The following NCALD variants were observed in gnomAD, a reference collection of about 807,000 sequenced individuals.
NCALD encodes the protein neurocalcin delta, also known as neurocalcin-delta.
In NCALD, 10 loss-of-function variants were observed where a neutral mutation model predicts 18.6. The observed-to-expected ratio is 0.54, with a 90% CI of 0.33 to 0.91. NCALD has a LOEUF of 0.91. Among genes scored for constraint, NCALD ranks in the 40% least tolerant of loss-of-function variants. NCALD has a pLI of 0.03. For synonymous variants in NCALD, 88 were observed against 87.4 expected (o/e 1.01, Z -0.04); for missense variants, 184 against 247.6 (o/e 0.74, Z 1.72).
intron 3 of NCALD, among the ~76,000 whole-genome samples, chr8:101,913,025 C>T (rs1380066946): frequency 6.6e-6 from 1 of 152,154 alleles, no homozygotes; most frequent in African/African-American, 2.4e-5. Flanking sequence ...CTCAGTCCTA[C>T]AATCTCAGCT....
At chr8:101,830,028 T>G in intron 4 of NCALD, among the ~76,000 whole-genome samples, 1 of 151,706 alleles carries the variant, frequency 6.6e-6, no homozygotes, top group South Asian at 2.1e-4. Context: ...GCTAAATATT[T>G]ATCAATAAAT....
intron 4 of NCALD, among the ~76,000 whole-genome samples, chr8:101,845,887 A>G (rs1177864399): frequency 3.3e-5 from 5 of 152,146 alleles, no homozygotes; most frequent in Non-Finnish European, 7.4e-5. Flanking sequence ...CTCTACCTTC[A>G]TAAGATGACC....
chr8:101,718,884 G>C (rs1239831386), intron 2 of NCALD, among the ~76,000 whole-genome samples: 1 of 152,212 alleles, frequency 6.6e-6, no homozygotes, highest in Non-Finnish European at 1.5e-5. Context: ...TCTGAAGCCT[G>C]CTACTTAAGA....
chr8:101,761,019 G>T (rs1319919979), intron 1 of NCALD, among the ~76,000 whole-genome samples: 2 of 124,372 alleles, frequency 1.6e-5, no homozygotes, highest in African/African-American at 6.0e-5. Context: ...GTTCACATTC[G>T]GGTGGGGGCG....
chr8:101,982,869 T>C (rs1820674939), intron 2 of NCALD, among the ~76,000 whole-genome samples: 1 of 151,956 alleles, frequency 6.6e-6, no homozygotes, highest in African/African-American at 2.4e-5. Context: ...CCTTATACCA[T>C]TGTCATGTAA....
intron 1 of NCALD, among the ~76,000 whole-genome samples, chr8:101,732,915 CAAT>C (rs1420284763): frequency 6.6e-6 from 1 of 151,998 alleles, no homozygotes; most frequent in African/African-American, 2.4e-5. Flanking sequence ...GGAGCATTTT[CAAT>C]AATATTTTAT....
chr8:101,778,480 C>CT (rs908919935), intron 1 of NCALD, among the ~76,000 whole-genome samples: 26 of 149,652 alleles, frequency 1.7e-4, no homozygotes, highest in Admixed American at 9.3e-4. Flanking sequence ...AAGAAGGTAA[C>CT]TTTTTTTTTT....
At chr8:102,113,909 A>G (rs16869127) in intron 1 of NCALD, among the ~76,000 whole-genome samples, 2,521 of 152,362 alleles carry the variant, frequency 0.017, 91 homozygotes, top group African/African-American at 0.057. Context: ...TGAATCAGTG[A>G]AAACTTGATA....
chr8:101,801,857 G>A lies in NCALD; in HGVS notation c.-19-82209C>T, dbSNP rs568205922. 2.1e-4 allele frequency among the ~76,000 whole-genome samples: 32 copies of A among 151,510 alleles called. No homozygotes were observed. In the East Asian group the frequency reaches 5.1e-3, roughly 24 times the overall value. On this transcript the variant is annotated intron_variant, in intron 4 of 6. Coordinates refer to the NCALD transcript ENST00000311028. The stretch of plus-strand genomic sequence containing the variant: ...AATTTTTTGTATTTTTAGTAGAGAC[G>A]GGGTTTCACCCTGTTAGCCAGGATG...
intron 1 of NCALD, among the ~76,000 whole-genome samples, chr8:102,123,301 T>A (rs1825995743): frequency 6.6e-6 from 1 of 152,118 alleles, no homozygotes; most frequent in South Asian, 2.1e-4. Flanking sequence ...ACATAGACCT[T>A]CTTGCGGGGC....
At chr8:101,747,883 A>C (rs1276620004) in intron 1 of NCALD, among the ~76,000 whole-genome samples, 2 of 152,004 alleles carry the variant, frequency 1.3e-5, no homozygotes, top group African/African-American at 4.8e-5. Flanking sequence ...ACACCTGGCT[A>C]ATTTTTGCAT....
chr8:101,889,057 G>A (rs1309216242), intron 3 of NCALD, among the ~76,000 whole-genome samples: 1 of 152,182 alleles, frequency 6.6e-6, no homozygotes, highest in Non-Finnish European at 1.5e-5. Flanking sequence ...GAAGTTACTA[G>A]GTAGGGCTCC....
intron 4 of NCALD, among the ~76,000 whole-genome samples, chr8:101,814,997 T>C (rs1037480305): frequency 6.6e-6 from 1 of 152,126 alleles, no homozygotes; most frequent in Non-Finnish European, 1.5e-5. Flanking sequence ...AGATATTCCA[T>C]GTTTATGGAT....
chr8:101,691,876 C>T, intron 3 of NCALD: 1 of 985,412 alleles, frequency 1.0e-6, no homozygotes, highest in Non-Finnish European at 1.2e-6. Context: ...ACAAGAATTG[C>T]CGAGGCCTCT....
At position 101,934,483 on chromosome 8, in the gene NCALD, G is replaced by C. The variant is rs190668157; in HGVS notation, c.-156-18625C>G. Among the ~76,000 whole-genome samples, 297 of 152,138 alleles carry C rather than the reference G, an allele frequency of 2.0e-3. 2 individuals are homozygous for C. The highest frequency in any genetic ancestry group is 5.5e-3 in the African/African-American group (229 of 41,504). On this transcript the variant is annotated intron_variant, in intron 2 of 6. Transcript: ENST00000311028. ...GCCCTGGAGGAGAGTAAGGGTTAAA[G>C]AACAAGCAGAAGAAAAGAGACCCAT...
intron 2 of NCALD, among the ~76,000 whole-genome samples, chr8:101,695,554 C>T (rs2130030476): frequency 6.6e-6 from 1 of 152,136 alleles, no homozygotes; most frequent in South Asian, 2.1e-4. Context: ...GCTCACCTAC[C>T]CCATCTCCCC....
chr8:101,741,442 A>G (rs1586366501), intron 1 of NCALD, among the ~76,000 whole-genome samples: 1 of 152,274 alleles, frequency 6.6e-6, no homozygotes, highest in African/African-American at 2.4e-5. Context: ...GTAGCTAGCA[A>G]ACACCTTAAA....
intron 1 of NCALD, among the ~76,000 whole-genome samples, chr8:101,738,029 G>A (rs1332218312): frequency 1.3e-5 from 2 of 152,200 alleles, no homozygotes; most frequent in African/African-American, 4.8e-5. Context: ...AATAATGAAA[G>A]ATCGTACCTT....
upstream of NCALD, among the ~76,000 whole-genome samples, chr8:101,794,452 T>C (rs552857376): frequency 6.7e-6 from 1 of 149,778 alleles, no homozygotes; most frequent in South Asian, 2.1e-4. Context: ...AGAACAAAAA[T>C]GTTGAGTTAT....
Sources: allele counts gnomAD v4.1 joint callset (sites outside exome capture counted in the v4.1 genomes callset), GRCh38; gene constraint gnomAD v4.1.1; transcripts MANE v1.5; gene names NCBI Gene and HGNC (gene_info 2026-07-23, HGNC 2026-07-21).